SLC25A21: variants seen among roughly 807,000 people sequenced by gnomAD.
SLC25A21 encodes solute carrier family 25 member 21.
SLC25A21 carries 47 observed loss-of-function variants against 43.8 expected under a neutral mutation model. The ratio of observed to expected loss-of-function variants is 1.07; its 90% CI spans 0.85 to 1.37. SLC25A21 has a LOEUF of 1.37. Ranked by LOEUF, SLC25A21 falls within the 40% of genes most tolerant of loss-of-function variation. The pLI is 0.00. For synonymous variants in SLC25A21, 131 were observed against 121.3 expected, an observed-to-expected ratio of 1.08 and a Z score of -0.52; for missense variants, 352 against 350.2, an observed-to-expected ratio of 1.00 and a Z score of -0.04.
At chr14:37,143,589 CGTGTGTGTGTGT>C (rs10531936) in intron 1 of SLC25A21, among the ~76,000 whole-genome samples, 14 of 148,650 alleles carry the variant, frequency 9.4e-5, no homozygotes, top group African/African-American at 3.2e-4. Flanking sequence ...TGTTCATTAG[CGTGTGTGTGTGT>C]GTGTGTGTGT....
At chr14:37,063,040 A>G (rs971368999) in intron 1 of SLC25A21, among the ~76,000 whole-genome samples, 1 of 152,162 alleles carries the variant, frequency 6.6e-6, no homozygotes, top group East Asian at 1.9e-4. Flanking sequence ...GCAGCAGGAG[A>G]GAGAATGAGT....
chr14:37,166,362 A>G (rs901127976), intron 1 of SLC25A21, among the ~76,000 whole-genome samples: 12 of 152,238 alleles, frequency 7.9e-5, no homozygotes, highest in Admixed American at 2.6e-4. Context: ...TTTGTAGGTA[A>G]AACAGTTATT....
intron 3 of SLC25A21, among the ~76,000 whole-genome samples, chr14:36,750,392 C>T (rs966744126): frequency 6.6e-6 from 1 of 152,198 alleles, no homozygotes; most frequent in Admixed American, 6.5e-5. Context: ...CAATCCACGT[C>T]ATCCCTTCTC....
At chr14:37,170,138 C>A (rs1035247700) in intron 1 of SLC25A21, among the ~76,000 whole-genome samples, 1 of 151,944 alleles carries the variant, frequency 6.6e-6, no homozygotes, top group African/African-American at 2.4e-5. Context: ...TGGGTTCAAG[C>A]GATTCTCCTG....
chr14:36,843,758 T>G (rs1464387002), intron 2 of SLC25A21, among the ~76,000 whole-genome samples: 1 of 152,224 alleles, frequency 6.6e-6, no homozygotes, highest in African/African-American at 2.4e-5. Context: ...AAAATTAGCA[T>G]TGGTACACAG....
At chr14:36,994,650 A>G (rs1960333308) in intron 1 of SLC25A21, among the ~76,000 whole-genome samples, 2 of 152,144 alleles carry the variant, frequency 1.3e-5, no homozygotes, top group African/African-American at 4.8e-5. Context: ...GAACAAACAC[A>G]GAGGCCAGCG....
chr14:36,848,858 CAT>C (rs1325077168), intron 2 of SLC25A21, among the ~76,000 whole-genome samples: 7 of 152,294 alleles, frequency 4.6e-5, no homozygotes, highest in African/African-American at 1.4e-4. Context: ...TCTGGAATCT[CAT>C]GTGCTAAAAT....
At chr14:37,004,160 A>G (rs1960547371) in intron 1 of SLC25A21, among the ~76,000 whole-genome samples, 1 of 152,168 alleles carries the variant, frequency 6.6e-6, no homozygotes, top group Non-Finnish European at 1.5e-5. Context: ...TTAAGACAAC[A>G]TTTTTAAAAT....
At chr14:37,052,001 T>C (rs188902085) in intron 1 of SLC25A21, among the ~76,000 whole-genome samples, 206 of 152,314 alleles carry the variant, frequency 1.4e-3, no homozygotes, top group African/African-American at 4.9e-3. Flanking sequence ...TCCTGTGGAA[T>C]TGAAATGCAG....
intron 1 of SLC25A21, among the ~76,000 whole-genome samples, chr14:37,108,354 A>C (rs1191606197): frequency 6.6e-6 from 1 of 152,180 alleles, no homozygotes; most frequent in African/African-American, 2.4e-5. Flanking sequence ...AACCCAGGAT[A>C]GAGTACAAAC....
intron 1 of SLC25A21, among the ~76,000 whole-genome samples, chr14:36,890,636 C>A (rs1891048139): frequency 6.6e-6 from 1 of 152,102 alleles, no homozygotes; most frequent in African/African-American, 2.4e-5. Flanking sequence ...ATAAGGTACA[C>A]CACAACATCC....
intron 1 of SLC25A21, among the ~76,000 whole-genome samples, chr14:36,953,099 G>C (rs547557032): frequency 6.6e-6 from 1 of 152,106 alleles, no homozygotes; most frequent in African/African-American, 2.4e-5. Flanking sequence ...ACTGCTTTTG[G>C]TTATCAAGGG....
chr14:36,852,148 T>A (rs1889760106), intron 2 of SLC25A21, among the ~76,000 whole-genome samples: 1 of 152,196 alleles, frequency 6.6e-6, no homozygotes, highest in African/African-American at 2.4e-5. Flanking sequence ...GCATTCTATG[T>A]ATCATTTTCT....
intron 1 of SLC25A21, among the ~76,000 whole-genome samples, chr14:37,092,454 C>G (rs1230710210): frequency 2.0e-5 from 3 of 152,136 alleles, no homozygotes; most frequent in Non-Finnish European, 2.9e-5. Context: ...CCTACCTAGG[C>G]TTCTGATTTC....
chr14:37,160,984 G>A lies in SLC25A21; in HGVS notation c.70+11297C>T, dbSNP rs1282508534. On this transcript the variant is annotated intron_variant, in intron 1 of 9. Transcript: ENST00000331299. ...GGAGGAGGAGAAAGAGGAAGGGGGT[G>A]GGGAAAAGGGGGGGCAGGTGGAGGG... 4.7e-5 allele frequency among the ~76,000 whole-genome samples: 4 copies of A among 85,064 alleles called. No homozygotes were observed. In the East Asian group the frequency reaches 2.1e-3, roughly 45 times the overall value. The allele number at this position is 85,064 out of a possible 152,430, so 55.8% of individuals were successfully genotyped here.
At chr14:36,960,168 T>C (rs971476344) in intron 1 of SLC25A21, among the ~76,000 whole-genome samples, 4 of 152,216 alleles carry the variant, frequency 2.6e-5, no homozygotes, top group Non-Finnish European at 5.9e-5. Context: ...TCTATTCACC[T>C]ATTTTCACTG....
At chr14:37,036,457 A>C (rs1961329641) in intron 1 of SLC25A21, among the ~76,000 whole-genome samples, 1 of 152,182 alleles carries the variant, frequency 6.6e-6, no homozygotes, top group Non-Finnish European at 1.5e-5. Context: ...AGTTAAAAAA[A>C]AAATTCCTGG....
chr14:36,794,406 G>T (rs78560726), intron 3 of SLC25A21, among the ~76,000 whole-genome samples: 1,716 of 152,160 alleles, frequency 0.011, 24 homozygotes, highest in Non-Finnish European at 0.02. Flanking sequence ...ACTGAAACAG[G>T]ATTAGAAAAT....
At position 36,900,346 on chromosome 14, in the gene SLC25A21, C is replaced by T. The variant is rs147921185; in HGVS notation, c.71-25342G>A. ...CATCTCATTGGTAGAGTTTTAGGCA[C>T]ATGTGTACTCCTGTATGGAGGACTA... On this transcript the variant is annotated intron_variant, in intron 1 of 9. Coordinates refer to ENST00000331299, the MANE Select transcript of SLC25A21 (RefSeq NM_030631.4). 4.0e-3 allele frequency among the ~76,000 whole-genome samples: 610 copies of T among 152,206 alleles called. 6 individuals are homozygous for T. The highest frequency in any genetic ancestry group is 7.5e-3 in the Admixed American group (114 of 15,286).
Sources: gnomAD v4.1 joint callset for allele counts (sites outside exome capture counted in the v4.1 genomes callset) on GRCh38, gnomAD v4.1.1 for gene constraint, MANE v1.5 for transcripts, NCBI Gene and HGNC (gene_info 2026-07-23, HGNC 2026-07-21) for gene names.